Variants in EFCAB6 observed in about 807,000 individuals in gnomAD.
EFCAB6 encodes EF-hand calcium-binding domain-containing protein 6.
In EFCAB6, 156 loss-of-function variants were observed where a neutral mutation model predicts 169.8. The ratio of observed to expected loss-of-function variants is 0.92; its 90% CI spans 0.81 to 1.05. The LOEUF (loss-of-function observed/expected upper bound fraction) is 1.05, where lower values mean the gene tolerates loss of function less well. EFCAB6 is among the 50% of genes least tolerant of loss of function. The pLI, the probability that EFCAB6 is intolerant of heterozygous loss-of-function variation, is 0.00. For synonymous variants in EFCAB6, 698 were observed against 676.4 expected (o/e 1.03, Z -0.50); for missense variants, 1,800 against 1,829.1 (o/e 0.98, Z 0.29).
intron 17 of EFCAB6, among the ~76,000 whole-genome samples, chr22:43,645,852 T>TAAA (rs571644573): frequency 8.6e-6 from 1 of 116,744 alleles, no homozygotes; most frequent in Admixed American, 8.2e-5. Context: ...ATTTTAAAAC[T>TAAA]AAAAAAAAAA....
At chr22:43,630,639 G>A (rs2054872794) in intron 19 of EFCAB6, among the ~76,000 whole-genome samples, 2 of 152,216 alleles carry the variant, frequency 1.3e-5, no homozygotes, top group African/African-American at 4.8e-5. Flanking sequence ...TGGAGGCCCT[G>A]CCGACCAGCA....
intron 24 of EFCAB6, among the ~76,000 whole-genome samples, chr22:43,581,411 C>A (rs1453740329): frequency 6.7e-6 from 1 of 148,426 alleles, no homozygotes; most frequent in Admixed American, 6.7e-5. Context: ...TCAGCAAGGA[C>A]ATCCCTATGG....
chr22:43,584,475 G>T (rs1435978792), intron 24 of EFCAB6, among the ~76,000 whole-genome samples: 1 of 152,040 alleles, frequency 6.6e-6, no homozygotes, highest in Non-Finnish European at 1.5e-5. Context: ...TTAACTTCAG[G>T]AGTCTCACTA....
chr22:43,726,994 G>A (rs1189671597), intron 8 of EFCAB6, among the ~76,000 whole-genome samples: 1 of 152,082 alleles, frequency 6.6e-6, no homozygotes, highest in Non-Finnish European at 1.5e-5. Context: ...AAAAACCTCA[G>A]GAAACTGTGA....
At chr22:43,623,954 G>A (rs55849245) in intron 20 of EFCAB6, among the ~76,000 whole-genome samples, 11,924 of 151,634 alleles carry the variant, frequency 0.079, 583 homozygotes, top group South Asian at 0.17. Context: ...AGAAAGGGGT[G>A]GTATCCAGGT....
intron 3 of EFCAB6, among the ~76,000 whole-genome samples, chr22:43,775,190 G>A (rs1232752908): frequency 6.6e-6 from 1 of 152,154 alleles, no homozygotes; most frequent in Non-Finnish European, 1.5e-5. Context: ...GGCCTGGGTG[G>A]CTGGGCAGGG....
At chr22:43,798,846 T>C (rs2062603701) in intron 2 of EFCAB6, among the ~76,000 whole-genome samples, 2 of 152,192 alleles carry the variant, frequency 1.3e-5, no homozygotes, top group Non-Finnish European at 2.9e-5. Context: ...AGAACACCTC[T>C]TAAATCTATC....
At chr22:43,786,232 G>A (rs1005511205) in intron 2 of EFCAB6, among the ~76,000 whole-genome samples, 4 of 152,046 alleles carry the variant, frequency 2.6e-5, no homozygotes, top group African/African-American at 4.8e-5. Context: ...GCATGGTGGC[G>A]CATGCTTGTT....
Position 43,684,360 on chromosome 22 carries a change from T to C in EFCAB6, c.1143-505A>G, listed in dbSNP as rs947404025. On this transcript the variant is annotated intron_variant, in intron 11 of 31. Transcript: ENST00000262726. ...CGTTGTCAGACCCCCTTTCCCTCTA[T>C]GGCCTCTTTCATCCCTGAGCTCGGG... 3.3e-5 allele frequency among the ~76,000 whole-genome samples: 5 copies of C among 152,122 alleles called. No individual in the cohort carries two copies. The East Asian group carries it at 9.6e-4, about 29-fold the overall frequency.
intron 17 of EFCAB6, among the ~76,000 whole-genome samples, chr22:43,660,876 TC>T (rs916810685): frequency 7.2e-5 from 11 of 152,158 alleles, no homozygotes; most frequent in African/African-American, 2.4e-4. Context: ...ATATCTGGAC[TC>T]CTGTTCTCAG....
intron 4 of EFCAB6, 94 bp from the exon 5 acceptor site, chr22:43,765,487 G>T: frequency 1.1e-6 from 1 of 898,176 alleles, no homozygotes; most frequent in Non-Finnish European, 1.8e-6. Flanking sequence ...CTCTCAGGAT[G>T]TAACAGAGAA....
rs762579381 is a variant in EFCAB6, at chr22:43,735,996, A to G, written c.508-3T>C. The G allele has an allele frequency of 1.9e-6, 3 of 1,605,582 alleles. No individual in the cohort carries two copies. The highest frequency in any genetic ancestry group is 2.3e-5 in the South Asian group (2 of 88,554). The stretch of plus-strand genomic sequence containing the variant: ...ACAGTCTTAATGTTTTTGAAAACCT[A>G]TGTACAAAAAGTGATTTAGGAAAAG... On this transcript the variant is annotated splice_polypyrimidine_tract_variant and splice_region_variant and intron_variant, in intron 6 of 31. Coordinates refer to ENST00000262726, the MANE Select transcript of EFCAB6 (RefSeq NM_022785.4).
chr22:43,543,247 C>T (rs2047851297), intron 27 of EFCAB6, among the ~76,000 whole-genome samples: 1 of 152,194 alleles, frequency 6.6e-6, no homozygotes, highest in African/African-American at 2.4e-5. Flanking sequence ...AGGAAGAAGT[C>T]AGTTCATCTT....
At chr22:43,556,953 T>C (rs1242317374) in intron 26 of EFCAB6, among the ~76,000 whole-genome samples, 1 of 152,240 alleles carries the variant, frequency 6.6e-6, no homozygotes, top group African/African-American at 2.4e-5. Flanking sequence ...TACACGAGCA[T>C]GTCCCTAAGG....
chr22:43,538,490 G>A (rs184390327), intron 28 of EFCAB6, among the ~76,000 whole-genome samples: 19 of 152,252 alleles, frequency 1.2e-4, no homozygotes, highest in African/African-American at 4.1e-4. Context: ...CCAGGTTCAC[G>A]CCATTCTCCT....
chr22:43,661,115 C>G (rs2056979125), intron 17 of EFCAB6, among the ~76,000 whole-genome samples: 1 of 152,178 alleles, frequency 6.6e-6, no homozygotes, highest in African/African-American at 2.4e-5. Context: ...TGGCTCACAT[C>G]TGTAATCCCA....
chr22:43,806,134 C>T lies in EFCAB6; in HGVS notation c.-8+2861G>A, dbSNP rs1422176919. On this transcript the variant is annotated intron_variant, in intron 2 of 31. Transcript: ENST00000262726. ...TGAGCCGAGATCATACCACTGCACT[C>T]CAGCCTGGGTGATCAAGTGAGACTA... Among the ~76,000 whole-genome samples, 5 of 143,406 alleles carry T rather than the reference C, an allele frequency of 3.5e-5. No homozygotes were observed. The Admixed American group carries it at 3.6e-4, about 10-fold the overall frequency. The allele number at this position is 143,406 out of a possible 152,430, so 94.1% of individuals were successfully genotyped here.
chr22:43,771,193 G>A (rs943666059), intron 4 of EFCAB6, among the ~76,000 whole-genome samples: 2 of 152,180 alleles, frequency 1.3e-5, no homozygotes, highest in African/African-American at 4.8e-5. Flanking sequence ...CACTTTGGGA[G>A]GCCAAGGCAG....
intron 17 of EFCAB6, among the ~76,000 whole-genome samples, chr22:43,666,541 G>A (rs1450470361): frequency 6.6e-6 from 1 of 152,160 alleles, no homozygotes; most frequent in Non-Finnish European, 1.5e-5. Flanking sequence ...TAGAGGGATC[G>A]TAATACGAAT....
Sources: allele counts gnomAD v4.1 joint callset (sites outside exome capture counted in the v4.1 genomes callset), GRCh38; gene constraint gnomAD v4.1.1; transcripts MANE v1.5; gene names NCBI Gene and HGNC (gene_info 2026-07-23, HGNC 2026-07-21).